Variants in SYT13 observed in about 807,000 individuals in gnomAD.
SYT13 encodes the protein synaptotagmin-13.
SYT13 carries 21 observed loss-of-function variants against 38.6 expected under a neutral mutation model. The ratio of observed to expected loss-of-function variants is 0.54; its 90% CI spans 0.39 to 0.78. The LOEUF is 0.78. SYT13 is among the 30% of genes least tolerant of loss of function. SYT13 has a pLI of 0.00. For synonymous variants in SYT13, 241 were observed against 237.6 expected (o/e 1.01, Z -0.13); for missense variants, 495 against 548.7 (o/e 0.90, Z 0.98).
Position 45,242,078 on chromosome 11 carries a change from G to A in SYT13, c.*1974C>T, listed in dbSNP as rs1046359050. The A allele has an allele frequency of 6.6e-6, 1 of 152,234 alleles. No homozygotes were observed. The highest frequency in any genetic ancestry group is 1.5e-5 in the Non-Finnish European group (1 of 68,048). The allele number at this position is 152,234 out of a possible 1,614,324, so 9.4% of individuals were successfully genotyped here. A position where few individuals can be genotyped will look rare whatever the true frequency, so the allele number is the denominator to read the frequency against. The stretch of plus-strand genomic sequence containing the variant: ...GCTCAGATTCTCAGGGAGAGGCCAA[G>A]TATGACTTGACTTGTTGAAGGAATG... On this transcript the variant is annotated 3_prime_UTR_variant, in exon 6 of 6. Coordinates refer to ENST00000020926, the MANE Select transcript of SYT13 (RefSeq NM_020826.3).
intron 4 of SYT13, among the ~76,000 whole-genome samples, chr11:45,249,585 T>C (rs1427365842): frequency 6.6e-6 from 1 of 152,138 alleles, no homozygotes; most frequent in East Asian, 1.9e-4. Context: ...AGGAATGAGA[T>C]CATGTCCTTT....
intron 1 of SYT13, chr11:45,258,367 C>A (rs10838437): frequency 0.33 from 50,592 of 152,040 alleles, 8,572 homozygotes; most frequent in South Asian, 0.4. Context: ...AGGAGGCTGG[C>A]TTCCAGTACC....
intron 1 of SYT13, among the ~76,000 whole-genome samples, chr11:45,263,222 T>C (rs1386708146): frequency 6.6e-6 from 1 of 152,220 alleles, no homozygotes; most frequent in African/African-American, 2.4e-5. Flanking sequence ...CCAGGTCCTA[T>C]GCTAAGTGTT....
At position 45,248,489 on chromosome 11, in the gene SYT13, G is replaced by A. The variant is rs182142254; in HGVS notation, c.847-1977C>T. Reference sequence around the variant, plus strand: ...TTGCCAGAGGTCATGTAGGCAGGAAGTGGCAAAACCAAGCCTTGGAAAGGA... The same window carrying A: ...TTGCCAGAGGTCATGTAGGCAGGAAATGGCAAAACCAAGCCTTGGAAAGGA... On this transcript the variant is annotated intron_variant, in intron 4 of 5. Coordinates refer to ENST00000020926, the MANE Select transcript of SYT13 (RefSeq NM_020826.3). 3.3e-5 allele frequency among the ~76,000 whole-genome samples: 5 copies of A among 152,328 alleles called. No homozygotes were observed. The East Asian group carries it at 9.6e-4, about 29-fold the overall frequency.
At position 45,262,770 on chromosome 11, in the gene SYT13, A is replaced by ACACACAC. The variant is rs752434675; in HGVS notation, c.184-6880_184-6879insGTGTGTG. ...ACACACACACACACACACACACACAAATTGAACTGTACACTTAAAAATGGT... is the reference window on the plus strand; with the variant it reads ...ACACACACACACACACACACACACAACACACACATTGAACTGTACACTTAAAAATGGT... On this transcript the variant is annotated intron_variant, in intron 1 of 5. Coordinates refer to ENST00000020926, the MANE Select transcript of SYT13 (RefSeq NM_020826.3). Among the ~76,000 whole-genome samples, 416 of 75,788 alleles carry ACACACAC rather than the reference A, an allele frequency of 5.5e-3. 16 individuals are homozygous for ACACACAC. The highest frequency in any genetic ancestry group is 0.013 in the Middle Eastern group (2 of 154). The allele number at this position is 75,788 out of a possible 152,430, so 49.7% of individuals were successfully genotyped here.
intron 1 of SYT13, among the ~76,000 whole-genome samples, chr11:45,265,953 G>A (rs2135901203): frequency 6.6e-6 from 1 of 152,316 alleles, no homozygotes; most frequent in Middle Eastern, 3.4e-3. Flanking sequence ...GAAGAGGCAT[G>A]TGAGGGGTAT....
At chr11:45,255,997 A>T in intron 1 of SYT13, 106 bp from the exon 2 acceptor site, 1 of 1,195,962 alleles carries the variant, frequency 8.4e-7, no homozygotes, top group Non-Finnish European at 1.2e-6. Flanking sequence ...ATGCAGAGGG[A>T]GAGTTGTGGT....
chr11:45,278,383 C>G (rs1328801609), intron 1 of SYT13, among the ~76,000 whole-genome samples: 1 of 152,138 alleles, frequency 6.6e-6, no homozygotes, highest in Middle Eastern at 3.2e-3. Flanking sequence ...TCTCGTAGGT[C>G]TTTGATCCTG....
rs746055509 is a variant in SYT13 at position 45,246,461 on chromosome 11, C to A, written c.898G>T (p.Ala300Ser). Residue 300 changes from alanine (A) to serine (S), a missense_variant, in exon 5 of 6, where the codon GCT becomes TCT. By Grantham distance (99) the Ala-to-Ser change is moderately conservative. Coordinates refer to ENST00000020926, the MANE Select transcript of SYT13 (RefSeq NM_020826.3). Reference protein sequence around the residue: ...EVLLSISYLPAANRLLVVLIK... With the variant: ...EVLLSISYLPSANRLLVVLIK... ...AGCACCACCAGGAGGCGGTTGGCAG[C>A]CGGGAGGTAGCTGATGGATAGTAGG... is the stretch of plus-strand genomic sequence containing the variant. 1.2e-6 allele frequency: 2 copies of A among 1,614,112 alleles called. No individual in the cohort carries two copies. Among genetic ancestry groups the A allele is most frequent in the Non-Finnish European group, 1.7e-6 (2 of 1,180,004 alleles).
intron 1 of SYT13, among the ~76,000 whole-genome samples, chr11:45,282,257 G>A (rs917368696): frequency 3.3e-5 from 5 of 152,172 alleles, no homozygotes; most frequent in African/African-American, 7.2e-5. Flanking sequence ...AGGAGTGGGC[G>A]GCGTAGTAAA....
In SYT13 at chr11:45,282,814, T is replaced by G. The variant is rs71491864; in HGVS notation, c.183+3211A>C. The stretch of plus-strand genomic sequence containing the variant: ...CAAGACCACAAACCTTTTAATGCTA[T>G]CTACAGACCCTTTGGTGGGAGGTTT... On this transcript the variant is annotated intron_variant, in intron 1 of 5. Transcript: ENST00000020926. Among the ~76,000 whole-genome samples the G allele has an allele frequency of 6.3e-3, 964 of 152,294 alleles. 9 individuals are homozygous for G. Among genetic ancestry groups the G allele is most frequent in the Non-Finnish European group, 0.01 (711 of 68,012 alleles).
chr11:45,283,871 G>A (rs776372549), intron 1 of SYT13, among the ~76,000 whole-genome samples: 1 of 152,222 alleles, frequency 6.6e-6, no homozygotes, highest in Non-Finnish European at 1.5e-5. Context: ...CTGAGAGGGT[G>A]CTGGGAATAA....
At chr11:45,255,602 A>C in intron 2 of SYT13, 64 bp downstream of exon 2, 9 of 1,496,354 alleles carry the variant, frequency 6.0e-6, no homozygotes, top group Non-Finnish European at 7.3e-6. Context: ...CAGCATCTAC[A>C]GAGACATTGA....
At chr11:45,269,925 T>C (rs1435343838) in intron 1 of SYT13, among the ~76,000 whole-genome samples, 1 of 152,242 alleles carries the variant, frequency 6.6e-6, no homozygotes, top group Admixed American at 6.5e-5. Context: ...ACAAAGGCAA[T>C]GTCAAGACCA....
intron 1 of SYT13, among the ~76,000 whole-genome samples, chr11:45,261,955 C>T (rs553881747): frequency 7.2e-5 from 11 of 151,966 alleles, no homozygotes; most frequent in Admixed American, 7.2e-4. Flanking sequence ...TATGATCCAG[C>T]AATTCCACTT....
chr11:45,276,211 A>G (rs1855008221), intron 1 of SYT13, among the ~76,000 whole-genome samples: 1 of 152,246 alleles, frequency 6.6e-6, no homozygotes, highest in Non-Finnish European at 1.5e-5. Context: ...GACTGAATAA[A>G]GAATATGTGG....
intron 1 of SYT13, among the ~76,000 whole-genome samples, chr11:45,259,447 CAA>C (rs1418618946): frequency 1.3e-5 from 2 of 152,200 alleles, no homozygotes; most frequent in African/African-American, 4.8e-5. Flanking sequence ...TGTGTTGCCT[CAA>C]GTCTTGACAC....
intron 4 of SYT13, among the ~76,000 whole-genome samples, chr11:45,247,728 A>C (rs756939759): frequency 3.3e-5 from 5 of 152,226 alleles, no homozygotes; most frequent in Non-Finnish European, 5.9e-5. Flanking sequence ...TCATTCATTC[A>C]GCAAGCATAT....
intron 1 of SYT13, 48 bp downstream of exon 1, chr11:45,285,977 G>A (rs1182845537): frequency 3.8e-6 from 6 of 1,575,240 alleles, no homozygotes; most frequent in Non-Finnish European, 5.1e-6. Flanking sequence ...GCAGCTGCCC[G>A]GCAACCCCGC....
Sources: allele counts gnomAD v4.1 joint callset (sites outside exome capture counted in the v4.1 genomes callset), GRCh38; gene constraint gnomAD v4.1.1; transcripts MANE v1.5; gene names NCBI Gene and HGNC (gene_info 2026-07-23, HGNC 2026-07-21).